The following TXLNA variants were observed in gnomAD, a reference collection of about 807,000 sequenced individuals.
TXLNA encodes the protein alpha-taxilin.
TXLNA carries 9 observed loss-of-function variants against 61.4 expected under a neutral mutation model. The ratio of observed to expected loss-of-function variants is 0.15; its 90% CI spans 0.09 to 0.26. The LOEUF (loss-of-function observed/expected upper bound fraction) is 0.26. Ranked by LOEUF, TXLNA falls within the 10% of genes least tolerant of loss-of-function variation. The pLI is 1.00. For synonymous variants in TXLNA, 257 were observed against 267.7 expected, an observed-to-expected ratio of 0.96 and a Z score of 0.39; for missense variants, 565 against 688.8, an observed-to-expected ratio of 0.82 and a Z score of 2.01.
rs1478883838 is a variant in TXLNA, at chr1:32,187,989, G to C, written c.633G>C (p.Lys211Asn). The C allele has an allele frequency of 6.2e-7, 1 of 1,613,894 alleles. No individual in the cohort carries two copies. Among genetic ancestry groups the C allele is most frequent in the East Asian group, 2.2e-5 (1 of 44,878 alleles). ...ACCGGAATTCACAGAAGCAGATGAA[G>C]CTCCTACAGAAAAAGCAGAGCCAGC... ...EEHRNSQKQM[K>N]LLQKKQSQLV... The change falls in exon 5 of 11, where the codon AAG (lysine) becomes AAC (asparagine). Residue 211 changes from lysine to asparagine, a missense_variant. Physicochemically the swap from Lys to Asn is moderately conservative, Grantham distance 94 (BLOSUM62 0). Transcript: ENST00000373610.
Position 32,192,459 on chromosome 1 carries a change from G to GA in TXLNA, c.1083+29_1083+30insA. The GA allele has an allele frequency of 6.5e-7, 1 of 1,529,232 alleles. No individual in the cohort carries two copies. Among genetic ancestry groups the GA allele is most frequent in the Non-Finnish European group, 8.7e-7 (1 of 1,153,140 alleles). The allele number at this position is 1,529,232 out of a possible 1,614,324, so 94.7% of individuals were successfully genotyped here. A position where few individuals can be genotyped will look rare whatever the true frequency, so the allele number is the denominator to read the frequency against. Reference sequence around the variant, plus strand: ...AGGCTCAGGCCCCAGGGTTGGGGTGGGGGTGGGAGGAGACAGGCTGGGCTC... The same window carrying GA: ...AGGCTCAGGCCCCAGGGTTGGGGTGGAGGGTGGGAGGAGACAGGCTGGGCTC... On this transcript the variant is annotated intron_variant, in intron 7 of 10. Coordinates refer to ENST00000373610, the MANE Select transcript of TXLNA (RefSeq NM_175852.4). The surrounding 1 kb of genome is among the most constrained non-coding windows in gnomAD (Gnocchi z 4.2).
chr1:32,194,471 A>T (rs1204548011), intron 10 of TXLNA, among the ~76,000 whole-genome samples: 1 of 152,224 alleles, frequency 6.6e-6, no homozygotes, highest in Non-Finnish European at 1.5e-5. Context: ...ACAGCTTGTA[A>T]TGTAGAAGAA....
At chr1:32,185,386 G>GTATGTATT (rs573763755) in intron 4 of TXLNA, among the ~76,000 whole-genome samples, 190 of 147,642 alleles carry the variant, frequency 1.3e-3, no homozygotes, top group Non-Finnish European at 2.0e-3. Flanking sequence ...ATGTATGTAT[G>GTATGTATT]TATTTATTTA....
Position 32,190,267 on chromosome 1 carries a change from A to G in TXLNA, c.963+18A>G. ...GCGAGGAGGTAAGGGTATCACGGAC[A>G]GCAGTCATGGCCCAGAAATTGTGAG... is the stretch of plus-strand genomic sequence containing the variant. On this transcript the variant is annotated intron_variant, in intron 6 of 10. Coordinates refer to ENST00000373610, the MANE Select transcript of TXLNA (RefSeq NM_175852.4). The G allele has an allele frequency of 6.4e-7, 1 of 1,573,992 alleles. No individual in the cohort carries two copies.
In TXLNA at chr1:32,197,230, C is replaced by G. The variant is rs956663579; in HGVS notation, c.*2035C>G. On this transcript the variant is annotated 3_prime_UTR_variant, in exon 11 of 11. Coordinates refer to ENST00000373610, the MANE Select transcript of TXLNA (RefSeq NM_175852.4). The surrounding 1 kb of genome is among the most constrained non-coding windows in gnomAD (Gnocchi z 4.6). ...GAAGAGGCAGAGGTATGCACCTTCC[C>G]CCTTGAAGAGAGGGGAAAGGCCTAC... The G allele has an allele frequency of 6.6e-6, 1 of 152,250 alleles. No homozygotes were observed. The highest frequency in any genetic ancestry group is 2.4e-5 in the African/African-American group (1 of 41,452). 9.4% of individuals were successfully genotyped at this position (152,250 alleles called of 1,614,324 possible). A position where few individuals can be genotyped will look rare whatever the true frequency, so the allele number is the denominator to read the frequency against.
Position 32,195,505 on chromosome 1 carries a change from C to T in TXLNA, c.*310C>T. 2.0e-6 allele frequency: 1 copy of T among 507,054 alleles called. No homozygotes were observed. The highest frequency in any genetic ancestry group is 3.6e-6 in the Non-Finnish European group (1 of 278,856). The allele number at this position is 507,054 out of a possible 1,614,324, so 31.4% of individuals were successfully genotyped here. On this transcript the variant is annotated 3_prime_UTR_variant, in exon 11 of 11. Transcript: ENST00000373610. The stretch of plus-strand genomic sequence containing the variant: ...GAGAGGGGCTGTCATCTGTAGCTGC[C>T]ATCACAGTGAGTTGGCAGAAGTGAC...
chr1:32,195,454 G>A lies in TXLNA; in HGVS notation c.*259G>A. The A allele has an allele frequency of 1.8e-6, 1 of 567,120 alleles. No individual in the cohort carries two copies. Among genetic ancestry groups the A allele is most frequent in the Non-Finnish European group, 3.1e-6 (1 of 317,558 alleles). 35.1% of individuals were successfully genotyped at this position (567,120 alleles called of 1,614,324 possible). ...GGGGGTGTGTACAGATGAAGTCAGT[G>A]GCTTGTCTGTGAGCTGAAGAGTCTT... is the stretch of plus-strand genomic sequence containing the variant. On this transcript the variant is annotated 3_prime_UTR_variant, in exon 11 of 11. Transcript: ENST00000373610.
Position 32,180,517 on chromosome 1 carries a change from G to A in TXLNA, c.169+3G>A. 6.3e-7 allele frequency: 1 copy of A among 1,595,440 alleles called. No individual in the cohort carries two copies. Among genetic ancestry groups the A allele is most frequent in the Non-Finnish European group, 8.5e-7 (1 of 1,171,322 alleles). ...CCAGGCTCCTCGGAAGCCGGAGGGT[G>A]TGTGCCAGCTCTGCGTTGCCAGCGG... On this transcript the variant is annotated splice_donor_region_variant and intron_variant, in intron 2 of 10. Transcript: ENST00000373610.
chr1:32,184,682 G>A (rs536579325), intron 4 of TXLNA, 66 bp downstream of exon 4: 6 of 1,155,428 alleles, frequency 5.2e-6, no homozygotes, highest in Middle Eastern at 2.5e-4. Context: ...CTGGTGTAAG[G>A]TTGGGGGTGC....
chr1:32,191,985 G>T (rs1163306394), intron 6 of TXLNA, among the ~76,000 whole-genome samples: 2 of 152,252 alleles, frequency 1.3e-5, no homozygotes, highest in Non-Finnish European at 2.9e-5. Flanking sequence ...AGAGAATCAG[G>T]GACACAGAAG....
At chr1:32,187,398 G>C (rs1642810836) in intron 4 of TXLNA, among the ~76,000 whole-genome samples, 1 of 152,162 alleles carries the variant, frequency 6.6e-6, no homozygotes, top group Non-Finnish European at 1.5e-5. Flanking sequence ...GAACTGAGCT[G>C]GGGAAAGGAG....
intron 4 of TXLNA, 92 bp downstream of exon 4, chr1:32,184,708 G>C (rs1642743912): frequency 1.3e-6 from 1 of 784,454 alleles, no homozygotes; most frequent in Admixed American, 2.2e-5. Context: ...CAAGTAGGTG[G>C]CTTAATTCCT....
Position 32,195,785 on chromosome 1 carries a change from G to T in TXLNA, c.*590G>T. On this transcript the variant is annotated 3_prime_UTR_variant, in exon 11 of 11. Coordinates refer to ENST00000373610, the MANE Select transcript of TXLNA (RefSeq NM_175852.4). ...AACAAGGGACCTGGAGAATGTTTTT[G>T]CGTGGGATGATGTGCTGGTCAGGAG... 2.2e-6 allele frequency: 1 copy of T among 456,216 alleles called. No homozygotes were observed. The highest frequency in any genetic ancestry group is 1.5e-5 in the South Asian group (1 of 64,570). The allele number at this position is 456,216 out of a possible 1,614,324, so 28.3% of individuals were successfully genotyped here.
intron 4 of TXLNA, among the ~76,000 whole-genome samples, chr1:32,186,696 T>TA (rs1188801720): frequency 6.6e-6 from 1 of 152,120 alleles, no homozygotes; most frequent in Non-Finnish European, 1.5e-5. Flanking sequence ...GGATCACAGA[T>TA]ACTGATTGGA....
intron 5 of TXLNA, among the ~76,000 whole-genome samples, chr1:32,189,385 G>A (rs1425324195): frequency 6.6e-6 from 1 of 152,130 alleles, no homozygotes; most frequent in Non-Finnish European, 1.5e-5. Context: ...CAAACCCTGG[G>A]TGTTACTAAA....
intron 10 of TXLNA, 45 bp downstream of exon 10, chr1:32,194,205 G>A (rs1642965680): frequency 6.7e-7 from 1 of 1,502,294 alleles, no homozygotes; most frequent in Admixed American, 1.7e-5. Context: ...TGTGCACTTA[G>A]CGCATATCAG....
At chr1:32,187,767 C>T (rs1196768093) in intron 4 of TXLNA, among the ~76,000 whole-genome samples, 187 bp from the exon 5 acceptor site, 1 of 152,154 alleles carries the variant, frequency 6.6e-6, no homozygotes, top group East Asian at 1.9e-4. Flanking sequence ...ACGGTGGAGC[C>T]TTTGGGGTTA....
chr1:32,183,433 T>C (rs1642712447), intron 3 of TXLNA, among the ~76,000 whole-genome samples: 1 of 128,676 alleles, frequency 7.8e-6, no homozygotes, highest in Non-Finnish European at 1.7e-5. Context: ...CTTTTTTTTT[T>C]TTTTTTTTTT....
At chr1:32,183,745 A>C (rs1484987847) in intron 3 of TXLNA, among the ~76,000 whole-genome samples, 1 of 114,292 alleles carries the variant, frequency 8.7e-6, no homozygotes, top group South Asian at 2.7e-4. Context: ...TTTTTAATTA[A>C]TTAATTTTTT....
Sources: gnomAD v4.1 joint callset for allele counts (sites outside exome capture counted in the v4.1 genomes callset) on GRCh38, gnomAD v4.1.1 for gene constraint, Gnocchi (gnomAD v3.1) non-coding constraint, MANE v1.5 for transcripts, NCBI Gene and HGNC (gene_info 2026-07-23, HGNC 2026-07-21) for gene names.